The following DGCR2 variants were observed in gnomAD, a reference collection of about 807,000 sequenced individuals.
DGCR2 encodes the protein integral membrane protein DGCR2/IDD.
A neutral mutation model predicts 51.6 loss-of-function variants in DGCR2; 24 were observed. The observed-to-expected ratio is 0.47, with a 90% confidence interval of 0.34 to 0.65. The LOEUF (loss-of-function observed/expected upper bound fraction) is 0.65, where lower values mean the gene tolerates loss of function less well. DGCR2 is among the 30% of genes least tolerant of loss of function. The pLI, the probability that DGCR2 is intolerant of heterozygous loss-of-function variation, is 0.01. For missense variants in DGCR2, 765 were observed against 772.1 expected, an observed-to-expected ratio of 0.99 and a Z score of 0.11; for synonymous variants, 340 against 315.4, an observed-to-expected ratio of 1.08 and a Z score of -0.82.
intron 1 of DGCR2, among the ~76,000 whole-genome samples, chr22:19,106,087 G>A (rs748122696): frequency 2.0e-5 from 3 of 151,976 alleles, no homozygotes; most frequent in African/African-American, 2.4e-5. Context: ...CCAGAGATCC[G>A]TTGCGAGACA....
Position 19,068,086 on chromosome 22 carries a change from G to C in DGCR2, c.328+14C>G. On this transcript the variant is annotated intron_variant, in intron 3 of 9. Coordinates refer to ENST00000263196, the MANE Select transcript of DGCR2 (RefSeq NM_005137.3). ...ACTCCCCAGTGTCCCAGTCAGGGCA[G>C]GTCTGCAACTTACTGCTGAAGCGAA... The C allele has an allele frequency of 6.4e-7, 1 of 1,561,072 alleles. No individual in the cohort carries two copies. Among genetic ancestry groups the C allele is most frequent in the Non-Finnish European group, 8.7e-7 (1 of 1,155,246 alleles).
chr22:19,087,189 C>G (rs774224404), intron 2 of DGCR2, among the ~76,000 whole-genome samples: 18 of 152,300 alleles, frequency 1.2e-4, no homozygotes, highest in Non-Finnish European at 2.2e-4. Context: ...GGGAAGCCCA[C>G]TGGGAATCCA....
chr22:19,064,811 T>C (rs1272599459), intron 4 of DGCR2, 37 bp downstream of exon 4: 2 of 1,592,936 alleles, frequency 1.3e-6, no homozygotes, highest in African/African-American at 2.7e-5. Flanking sequence ...CATCAGACTC[T>C]GACTCCAGCC....
At chr22:19,118,906 T>TC (rs2083401665) in intron 1 of DGCR2, among the ~76,000 whole-genome samples, 2 of 151,966 alleles carry the variant, frequency 1.3e-5, no homozygotes, top group Non-Finnish European at 2.9e-5. Flanking sequence ...GGTCCCCAAA[T>TC]CCCCCCACCA....
At chr22:19,107,944 G>C (rs928211762) in intron 1 of DGCR2, among the ~76,000 whole-genome samples, 1 of 152,206 alleles carries the variant, frequency 6.6e-6, no homozygotes, top group African/African-American at 2.4e-5. Context: ...ATTCCTGAAT[G>C]CTCATTTTGC....
intron 1 of DGCR2, among the ~76,000 whole-genome samples, chr22:19,117,672 T>C (rs754846998): frequency 1.8e-4 from 27 of 152,168 alleles, no homozygotes; most frequent in Admixed American, 1.3e-3. Context: ...ATGCCAACAG[T>C]AGGGAAGCCT....
rs2082734141 is a variant in DGCR2 at position 19,065,134 on chromosome 22, TC to T, written c.329-68del. 7 of 1,365,466 alleles carry T rather than the reference TC, an allele frequency of 5.1e-6. No individual in the cohort carries two copies. The East Asian group carries it at 1.5e-4, about 28-fold the overall frequency. 84.6% of individuals were successfully genotyped at this position (1,365,466 alleles called of 1,614,324 possible). A position where few individuals can be genotyped will look rare whatever the true frequency, so the allele number is the denominator to read the frequency against. ...GCTCCAAAATGGAAATTATATGTAC[TC>T]CATCAGGGACAGGCACACCTTGTAA... is the stretch of plus-strand genomic sequence containing the variant. On this transcript the variant is annotated intron_variant, in intron 3 of 9. Transcript: ENST00000263196.
chr22:19,046,729 G>C (rs1299755928), intron 7 of DGCR2: 1 of 433,620 alleles, frequency 2.3e-6, no homozygotes, highest in South Asian at 1.6e-5. Context: ...CACAGGGCAG[G>C]CAGAGCAGGG....
chr22:19,108,925 G>A (rs955702110), intron 1 of DGCR2, among the ~76,000 whole-genome samples: 7 of 151,996 alleles, frequency 4.6e-5, no homozygotes, highest in Admixed American at 1.3e-4. Flanking sequence ...CAACTACATG[G>A]GAGGCTGAGG....
intron 1 of DGCR2, among the ~76,000 whole-genome samples, chr22:19,116,807 C>A (rs2083377830): frequency 6.6e-6 from 1 of 152,042 alleles, no homozygotes; most frequent in Non-Finnish European, 1.5e-5. Context: ...AGGCTCAGGT[C>A]CAGCAGGAGA....
chr22:19,119,532 T>G (rs2083408755), intron 1 of DGCR2, among the ~76,000 whole-genome samples: 1 of 151,998 alleles, frequency 6.6e-6, no homozygotes, highest in Non-Finnish European at 1.5e-5. Flanking sequence ...GGTCAGGAGT[T>G]CCAGACCAGC....
chr22:19,120,941 A>G (rs1257426551), intron 1 of DGCR2, among the ~76,000 whole-genome samples: 9 of 152,222 alleles, frequency 5.9e-5, no homozygotes, highest in Admixed American at 5.2e-4. Flanking sequence ...CTACATGGGG[A>G]GACCAGAGAA....
chr22:19,119,810 G>T (rs979272768), intron 1 of DGCR2, among the ~76,000 whole-genome samples: 3 of 151,154 alleles, frequency 2.0e-5, no homozygotes, highest in African/African-American at 7.3e-5. Flanking sequence ...CTCCATGAAA[G>T]GCCTTCCACC....
chr22:19,053,165 C>G (rs2082567340), intron 6 of DGCR2, among the ~76,000 whole-genome samples: 1 of 152,202 alleles, frequency 6.6e-6, no homozygotes, highest in Admixed American at 6.5e-5. Context: ...GGTGAAAAGC[C>G]ACTGTGCTGG....
chr22:19,114,102 T>C (rs1287463825), intron 1 of DGCR2, among the ~76,000 whole-genome samples: 1 of 130,448 alleles, frequency 7.7e-6, no homozygotes, highest in Non-Finnish European at 1.6e-5. Context: ...GTTAAGACAA[T>C]CTTGCCCCGA....
Position 19,039,101 on chromosome 22 carries a change from C to T in DGCR2, c.1417G>A (p.Val473Met), listed in dbSNP as rs781058404. 9.9e-6 allele frequency: 16 copies of T among 1,613,010 alleles called. No individual in the cohort carries two copies. Among genetic ancestry groups the T allele is most frequent in the Non-Finnish European group, 1.4e-5 (16 of 1,179,986 alleles). The change falls in exon 10 of 10, where the codon GTG (valine) becomes ATG (methionine). Residue 473 changes from valine (V) to methionine (M), a missense_variant. Coordinates refer to ENST00000263196, the MANE Select transcript of DGCR2 (RefSeq NM_005137.3). The stretch of plus-strand genomic sequence containing the variant: ...CCAGGGGCTGGCAGGCTGACCTCCA[C>T]AGGCTCAAAAGCATCATCGTCTGCA... ...DPADDDAFEP[V>M]EVSLPAPGDG... is the part of the protein sequence containing the mutation.
rs1281579587 is a variant in DGCR2, at chr22:19,038,853, A to G, written c.*12T>C. On this transcript the variant is annotated 3_prime_UTR_variant, in exon 10 of 10. Coordinates refer to ENST00000263196, the MANE Select transcript of DGCR2 (RefSeq NM_005137.3). ...AGGTGCTCCCAGACCGTTGGGGTACAGGCCAGGCCGTCTACACCACAGTAT... is the reference window on the plus strand; with the variant it reads ...AGGTGCTCCCAGACCGTTGGGGTACGGGCCAGGCCGTCTACACCACAGTAT... 15 of 1,609,736 alleles carry G rather than the reference A, an allele frequency of 9.3e-6. No individual in the cohort carries two copies. In the South Asian group the frequency reaches 1.5e-4, roughly 17 times the overall value.
At chr22:19,063,089 C>CCCA in intron 5 of DGCR2, 113 bp downstream of exon 5, 1 of 981,418 alleles carries the variant, frequency 1.0e-6, no homozygotes, top group Non-Finnish European at 1.5e-6. Context: ...CACCCACTCC[C>CCCA]TGCACAGCAC....
chr22:19,060,534 A>G (rs2082649220), intron 5 of DGCR2: 1 of 170,486 alleles, frequency 5.9e-6, no homozygotes, highest in Non-Finnish European at 1.3e-5. Context: ...TTTCACTTTT[A>G]TATTTTAAGG....
Sources: gnomAD v4.1 joint callset for allele counts (sites outside exome capture counted in the v4.1 genomes callset) on GRCh38, gnomAD v4.1.1 for gene constraint, MANE v1.5 for transcripts, NCBI Gene and HGNC (gene_info 2026-07-23, HGNC 2026-07-21) for gene names.